Variants in TLL1 observed in about 807,000 individuals in gnomAD.
TLL1 encodes tolloid like 1, also known as tolloid-like protein 1.
In TLL1, 49 loss-of-function variants were observed where a neutral mutation model predicts 128.2. The ratio of observed to expected loss-of-function variants is 0.38; its 90% confidence interval spans 0.30 to 0.48. TLL1 has a LOEUF of 0.48. Ranked by LOEUF, TLL1 falls within the 20% of genes least tolerant of loss-of-function variation. The probability of loss-of-function intolerance (pLI) is 0.96; values close to 1 mark genes in which losing one functional copy is unlikely to be tolerated. For synonymous variants in TLL1, 454 were observed against 418.8 expected, an observed-to-expected ratio of 1.08 and a Z score of -1.03; for missense variants, 1,123 against 1,242.0, an observed-to-expected ratio of 0.90 and a Z score of 1.44.
chr4:166,020,692 C>T (rs1272029365), intron 8 of TLL1, among the ~76,000 whole-genome samples: 1 of 151,982 alleles, frequency 6.6e-6, no homozygotes, highest in Admixed American at 6.6e-5. Flanking sequence ...TTCTATAATC[C>T]CATGACCTTT....
intron 1 of TLL1, among the ~76,000 whole-genome samples, chr4:165,969,041 A>G (rs1162326507): frequency 6.6e-6 from 1 of 152,174 alleles, no homozygotes; most frequent in Non-Finnish European, 1.5e-5. Context: ...CCCAAAACGT[A>G]TTTTGAAAAC....
At chr4:165,988,764 C>T (rs1433314946) in intron 1 of TLL1, among the ~76,000 whole-genome samples, 3 of 151,724 alleles carry the variant, frequency 2.0e-5, no homozygotes, top group African/African-American at 7.3e-5. Flanking sequence ...CTAGTTGTTG[C>T]CTAAATAAAT....
chr4:166,063,018 C>T (rs925419457), intron 15 of TLL1, among the ~76,000 whole-genome samples: 2 of 152,064 alleles, frequency 1.3e-5, no homozygotes, highest in Admixed American at 1.3e-4. Context: ...TGATGGATTA[C>T]ATTTATTGAT....
chr4:166,080,587 G>A (rs1282710893), intron 18 of TLL1, among the ~76,000 whole-genome samples: 1 of 151,656 alleles, frequency 6.6e-6, no homozygotes, highest in African/African-American at 2.4e-5. Flanking sequence ...TTGCCTTTTT[G>A]TGTCTCTTTT....
chr4:166,050,441 T>A (rs115919033), intron 12 of TLL1, among the ~76,000 whole-genome samples: 2,567 of 152,342 alleles, frequency 0.017, 77 homozygotes, highest in African/African-American at 0.059. Context: ...TGCTTTCAAT[T>A]CTTTGGGGTA....
Position 166,101,153 on chromosome 4 carries a change from C to G in TLL1, c.*277C>G, listed in dbSNP as rs1344291058. 2.5e-6 allele frequency: 1 copy of G among 396,148 alleles called. No homozygotes were observed. Among genetic ancestry groups the G allele is most frequent in the African/African-American group, 2.0e-5 (1 of 48,832 alleles). The allele number at this position is 396,148 out of a possible 1,614,324, so 24.5% of individuals were successfully genotyped here. A position where few individuals can be genotyped will look rare whatever the true frequency, so the allele number is the denominator to read the frequency against. On this transcript the variant is annotated 3_prime_UTR_variant, in exon 21 of 21. Coordinates refer to ENST00000061240, the MANE Select transcript of TLL1 (RefSeq NM_012464.5). ...AGACTCTACAAGCTTTTGTTCACAG[C>G]TTGAAATAGATGCCTCACAATTCAG... is the stretch of plus-strand genomic sequence containing the variant.
chr4:165,996,101 T>C (rs1022574856), intron 5 of TLL1, among the ~76,000 whole-genome samples: 3 of 152,158 alleles, frequency 2.0e-5, no homozygotes, highest in Non-Finnish European at 2.9e-5. Flanking sequence ...TTCTTATCAG[T>C]GGAAATCTTT....
rs61229255 is a variant in TLL1, at chr4:166,052,965, G to GTATATATATATATATATATA, written c.1525-2094_1525-2093insATATATATATATATATATAT. Among the ~76,000 whole-genome samples the GTATATATATATATATATATA allele has an allele frequency of 4.3e-3, 424 of 99,644 alleles. 23 individuals are homozygous for GTATATATATATATATATATA. Among genetic ancestry groups the GTATATATATATATATATATA allele is most frequent in the African/African-American group, 0.015 (405 of 26,228 alleles). 65.4% of individuals were successfully genotyped at this position (99,644 alleles called of 152,430 possible). ...TAAAGACTGAGATAAGAGGTTATGTGTATATATATATATATATTTGGCCAA... is the reference window on the plus strand; with the variant it reads ...TAAAGACTGAGATAAGAGGTTATGTGTATATATATATATATATATATATATATATATATATATTTGGCCAA... On this transcript the variant is annotated intron_variant, in intron 12 of 20. Transcript: ENST00000061240.
intron 1 of TLL1, among the ~76,000 whole-genome samples, chr4:165,951,280 A>C (rs1437812704): frequency 6.6e-6 from 1 of 152,174 alleles, no homozygotes; most frequent in East Asian, 1.9e-4. Flanking sequence ...AAAATGTCAG[A>C]TGCAGGAGGG....
chr4:165,922,270 A>G (rs962756938), intron 1 of TLL1, among the ~76,000 whole-genome samples: 1 of 152,182 alleles, frequency 6.6e-6, no homozygotes, highest in Admixed American at 6.5e-5. Context: ...AACTATTGAA[A>G]CTTATTAGCA....
intron 5 of TLL1, among the ~76,000 whole-genome samples, chr4:166,001,508 A>T (rs115405810): frequency 2.0e-5 from 3 of 152,036 alleles, no homozygotes; most frequent in Admixed American, 2.0e-4. Context: ...CATTTTTTCT[A>T]TCCATTGAGG....
chr4:165,909,879 T>A (rs769167485), intron 1 of TLL1, among the ~76,000 whole-genome samples: 1 of 152,176 alleles, frequency 6.6e-6, no homozygotes, highest in Non-Finnish European at 1.5e-5. Flanking sequence ...GAGGGTTACA[T>A]GTAGTTTTGC....
chr4:166,047,245 A>G (rs974022491), intron 12 of TLL1, among the ~76,000 whole-genome samples: 1 of 151,042 alleles, frequency 6.6e-6, no homozygotes, highest in Non-Finnish European at 1.5e-5. Flanking sequence ...GTTCACTGCA[A>G]CCTCCACCTC....
chr4:166,068,010 C>T (rs959349583), intron 16 of TLL1, among the ~76,000 whole-genome samples: 3 of 151,676 alleles, frequency 2.0e-5, no homozygotes, highest in Non-Finnish European at 4.4e-5. Context: ...ATAATTTTCC[C>T]TTCTTTATTA....
At chr4:165,981,145 A>G (rs922415121) in intron 1 of TLL1, among the ~76,000 whole-genome samples, 12 of 152,040 alleles carry the variant, frequency 7.9e-5, no homozygotes, top group Non-Finnish European at 1.5e-4. Context: ...TTCTTCCTCT[A>G]TAGAGTTTTT....
chr4:165,920,101 A>C (rs1248672556), intron 1 of TLL1, among the ~76,000 whole-genome samples: 1 of 152,240 alleles, frequency 6.6e-6, no homozygotes, highest in Non-Finnish European at 1.5e-5. Context: ...TTCTCAAGTA[A>C]TAAATGCCAT....
chr4:166,067,791 A>G (rs1404208478), intron 16 of TLL1, among the ~76,000 whole-genome samples: 1 of 151,644 alleles, frequency 6.6e-6, no homozygotes, highest in Non-Finnish European at 1.5e-5. Context: ...AAGAAATTAA[A>G]CCCCAAAGTT....
At chr4:166,070,580 T>C (rs1740768052) in intron 16 of TLL1, among the ~76,000 whole-genome samples, 1 of 151,926 alleles carries the variant, frequency 6.6e-6, no homozygotes. Context: ...GATCTAACTA[T>C]TGCTGATAAG....
At chr4:165,893,884 C>T (rs1731532572) in intron 1 of TLL1, among the ~76,000 whole-genome samples, 1 of 152,136 alleles carries the variant, frequency 6.6e-6, no homozygotes, top group Non-Finnish European at 1.5e-5. Flanking sequence ...TTTACTGCTT[C>T]CTAGGATAAA....
Sources: allele counts gnomAD v4.1 joint callset (sites outside exome capture counted in the v4.1 genomes callset), GRCh38; gene constraint gnomAD v4.1.1; transcripts MANE v1.5; gene names NCBI Gene and HGNC (gene_info 2026-07-23, HGNC 2026-07-21).